EVC2: variants seen among roughly 807,000 people sequenced by gnomAD.
EVC2 encodes limbin.
In EVC2, 148 loss-of-function variants were observed where a neutral mutation model predicts 149.3. The ratio of observed to expected loss-of-function variants is 0.99; its 90% CI spans 0.87 to 1.14. The LOEUF is 1.14. Among genes scored for constraint, EVC2 ranks in the 50% most tolerant of loss-of-function variants. EVC2 has a pLI of 0.00. For missense variants in EVC2, 1,854 were observed against 1,627.3 expected (o/e 1.14, Z -2.40); for synonymous variants, 776 against 649.9 (o/e 1.19, Z -2.95).
chr4:5,603,053 A>G (rs1354362320), intron 16 of EVC2, among the ~76,000 whole-genome samples: 1 of 152,200 alleles, frequency 6.6e-6, no homozygotes, highest in Admixed American at 6.6e-5. Flanking sequence ...ATGTTTGATA[A>G]AAATGAAAAG....
rs372668147 is a variant in EVC2 at position 5,622,357 on chromosome 4, TG to T, written c.2501+179del. On this transcript the variant is annotated intron_variant, in intron 14 of 21. Coordinates refer to ENST00000344408, the MANE Select transcript of EVC2 (RefSeq NM_147127.5). This position sits in a 1 kb window ranked among gnomAD's most constrained non-coding sequence, Gnocchi z 5.8. Reference sequence around the variant, plus strand: ...ACTCTGCTCAATCCTTGTAGGGTCCTGCGTGACATTCGAGGTCCTCCCCCCG... The same window carrying T: ...ACTCTGCTCAATCCTTGTAGGGTCCTCGTGACATTCGAGGTCCTCCCCCCG... 5.8e-4 allele frequency among the ~76,000 whole-genome samples: 89 copies of T among 152,220 alleles called. 1 individual carries two copies. The South Asian group carries it at 0.018, about 31-fold the overall frequency.
intron 19 of EVC2, among the ~76,000 whole-genome samples, chr4:5,573,700 C>T (rs1722761532): frequency 6.6e-6 from 1 of 152,218 alleles, no homozygotes; most frequent in South Asian, 2.1e-4. Context: ...TCATTTGTGA[C>T]AGCAGTGATA....
At chr4:5,577,132 C>A (rs2108779666) in intron 17 of EVC2, among the ~76,000 whole-genome samples, 1 of 152,346 alleles carries the variant, frequency 6.6e-6, no homozygotes, top group South Asian at 2.1e-4. Flanking sequence ...ACTCTAAGTT[C>A]TCTTGCTTTA....
At chr4:5,685,504 C>CT in intron 5 of EVC2, 25 bp from the exon 6 acceptor site, 1 of 1,607,968 alleles carries the variant, frequency 6.2e-7, no homozygotes, top group Non-Finnish European at 8.5e-7. Context: ...GCACATGTGA[C>CT]TCAGGGAGGG....
chr4:5,607,790 T>C (rs1290726834), intron 16 of EVC2, among the ~76,000 whole-genome samples: 1 of 152,066 alleles, frequency 6.6e-6, no homozygotes, highest in African/African-American at 2.4e-5. Flanking sequence ...GCTGCTTACC[T>C]GAAACTGTGA....
chr4:5,647,766 G>A (rs1291501621), intron 9 of EVC2, among the ~76,000 whole-genome samples: 1 of 152,192 alleles, frequency 6.6e-6, no homozygotes, highest in Non-Finnish European at 1.5e-5. Context: ...AACACGTTAG[G>A]TTTCATGGCA....
intron 9 of EVC2, among the ~76,000 whole-genome samples, chr4:5,655,186 C>A (rs181677340): frequency 6.6e-6 from 1 of 152,296 alleles, no homozygotes; most frequent in African/African-American, 2.4e-5. Context: ...CCATAAGAAC[C>A]CCGTCATGTC....
chr4:5,549,108 C>T (rs543694976), intron 21 of EVC2, among the ~76,000 whole-genome samples: 5 of 150,736 alleles, frequency 3.3e-5, no homozygotes, highest in African/African-American at 1.2e-4. Flanking sequence ...ATCAAATATT[C>T]ATTAACATAA....
chr4:5,541,437 T>C (rs1027779341), downstream of EVC2, among the ~76,000 whole-genome samples: 2 of 152,190 alleles, frequency 1.3e-5, no homozygotes, highest in African/African-American at 2.4e-5. Flanking sequence ...CAGGTCTCAG[T>C]GAAAGACGAT....
intron 2 of EVC2, 32 bp from the exon 3 acceptor site, chr4:5,694,533 A>T (rs1721342004): frequency 4.3e-6 from 7 of 1,613,848 alleles, no homozygotes; most frequent in Non-Finnish European, 5.9e-6. Context: ...GTTTTATATA[A>T]TGCGGAAAGA....
chr4:5,653,980 G>A (rs1055922405), intron 9 of EVC2, among the ~76,000 whole-genome samples: 2 of 152,188 alleles, frequency 1.3e-5, no homozygotes, highest in African/African-American at 2.4e-5. Flanking sequence ...TTGGGAGGCC[G>A]AGGCAGGCGG....
chr4:5,694,788 G>A (rs1255824497), intron 2 of EVC2, among the ~76,000 whole-genome samples: 11 of 152,168 alleles, frequency 7.2e-5, no homozygotes, highest in Admixed American at 5.9e-4. Flanking sequence ...AATGATGCCT[G>A]GGTTGATTCT....
intron 13 of EVC2, among the ~76,000 whole-genome samples, chr4:5,623,990 G>A (rs1174070974): frequency 6.6e-6 from 1 of 152,164 alleles, no homozygotes; most frequent in Non-Finnish European, 1.5e-5. Context: ...CACAGGATCT[G>A]CAAGTTGTAA....
At chr4:5,688,992 C>A (rs553063155) in intron 5 of EVC2, among the ~76,000 whole-genome samples, 165 bp downstream of exon 5, 1 of 152,096 alleles carries the variant, frequency 6.6e-6, no homozygotes, top group Non-Finnish European at 1.5e-5. Flanking sequence ...AATGTGGTCT[C>A]TTTTCTCTTT....
intron 15 of EVC2, among the ~76,000 whole-genome samples, chr4:5,617,850 T>C (rs1296179633): frequency 6.6e-6 from 1 of 152,124 alleles, no homozygotes; most frequent in East Asian, 1.9e-4. Context: ...ATCAACCTGT[T>C]GGGGAACAAG....
At chr4:5,595,676 C>A (rs542264974) in intron 16 of EVC2, among the ~76,000 whole-genome samples, 1 of 152,102 alleles carries the variant, frequency 6.6e-6, no homozygotes, top group East Asian at 1.9e-4. Context: ...AGCAAAATAA[C>A]CAGCTAACAT....
At chr4:5,655,179 T>A (rs933147590) in intron 9 of EVC2, among the ~76,000 whole-genome samples, 2 of 152,078 alleles carry the variant, frequency 1.3e-5, no homozygotes, top group African/African-American at 4.8e-5. Context: ...ACAAACCCCA[T>A]AAGAACCCCG....
intron 6 of EVC2, among the ~76,000 whole-genome samples, chr4:5,684,296 T>C (rs1720545155): frequency 6.6e-6 from 1 of 152,186 alleles, no homozygotes; most frequent in African/African-American, 2.4e-5. Context: ...TCTAAGGTTT[T>C]TTGTTTTGTT....
chr4:5,650,638 T>TATATATAG (rs1162935817), intron 9 of EVC2, among the ~76,000 whole-genome samples: 17 of 45,102 alleles, frequency 3.8e-4, no homozygotes, highest in Non-Finnish European at 6.4e-4. Flanking sequence ...TATATATATA[T>TATATATAG]AGAGAGAGAG....
Sources: allele counts gnomAD v4.1 joint callset (sites outside exome capture counted in the v4.1 genomes callset), GRCh38; gene constraint gnomAD v4.1.1; non-coding constraint Gnocchi (gnomAD v3.1); transcripts MANE v1.5; gene names NCBI Gene and HGNC (gene_info 2026-07-23, HGNC 2026-07-21).